The following IQSEC3 variants were observed in gnomAD, a reference collection of about 807,000 sequenced individuals.
IQSEC3 encodes the protein IQ motif and SEC7 domain-containing protein 3.
Under a neutral mutation model 105.4 loss-of-function variants are expected in IQSEC3, and 50 were observed. The observed-to-expected ratio is 0.47, with a 90% CI of 0.38 to 0.60. The LOEUF is 0.60. Ranked by LOEUF, IQSEC3 falls within the 20% of genes least tolerant of loss-of-function variation. The pLI is 0.00. For synonymous variants in IQSEC3, 708 were observed against 746.0 expected, an observed-to-expected ratio of 0.95 and a Z score of 0.83; for missense variants, 1,415 against 1,630.0, an observed-to-expected ratio of 0.87 and a Z score of 2.27.
At chr12:141,566 G>A (rs911248512) in intron 5 of IQSEC3, 6 of 395,900 alleles carry the variant, frequency 1.5e-5, no homozygotes, top group African/African-American at 1.0e-4. Flanking sequence ...CTTTCTGCCT[G>A]TCACTCTCCA....
chr12:95,238 T>C (rs1864209125), intron 1 of IQSEC3, among the ~76,000 whole-genome samples: 2 of 152,238 alleles, frequency 1.3e-5, no homozygotes, highest in Admixed American at 1.3e-4. Context: ...CTCAGTTTTC[T>C]CATTTGTAAA....
At chr12:96,015 T>A (rs932694565) in intron 1 of IQSEC3, among the ~76,000 whole-genome samples, 5 of 152,206 alleles carry the variant, frequency 3.3e-5, no homozygotes, top group African/African-American at 4.8e-5. Context: ...GACCATGGCC[T>A]GAGGCACAGT....
In IQSEC3 at chr12:138,407, A is replaced by G; in HGVS notation, c.1044A>G (p.Pro348=). The change falls in exon 4 of 14, where the codon CCA becomes CCG. Residue 348 remains proline, a synonymous_variant. Transcript: ENST00000538872. This position sits in a 1 kb window ranked among gnomAD's most constrained non-coding sequence, Gnocchi z 7.1. Reference sequence around the variant, plus strand: ...ACTCGCTTCTGGAGAGCCGCCTGCCACGGCGGATCTCCCTGCGCAAGGTGC... The same window carrying G: ...ACTCGCTTCTGGAGAGCCGCCTGCCGCGGCGGATCTCCCTGCGCAAGGTGC... The part of the protein sequence containing the change: ...IRNSLLESRL[P]RRISLRKVRS... 2 of 1,609,848 alleles carry G rather than the reference A, an allele frequency of 1.2e-6. No homozygotes were observed. Among genetic ancestry groups the G allele is most frequent in the South Asian group, 1.1e-5 (1 of 91,048 alleles).
intron 2 of IQSEC3, among the ~76,000 whole-genome samples, chr12:110,863 C>G (rs1468652590): frequency 6.6e-6 from 1 of 152,198 alleles, no homozygotes; most frequent in Non-Finnish European, 1.5e-5. Flanking sequence ...AGAGACTTCT[C>G]TAAGAGGGTA....
At chr12:154,326 G>A (rs773145708) in intron 5 of IQSEC3, among the ~76,000 whole-genome samples, 54 of 152,150 alleles carry the variant, frequency 3.5e-4, no homozygotes, top group African/African-American at 1.1e-3. Context: ...CTGCCTCTGC[G>A]GCAGCCTGCC....
Position 138,572 on chromosome 12 carries a change from C to T in IQSEC3, c.1209C>T (p.Thr403=), listed in dbSNP as rs782619341. The stretch of plus-strand genomic sequence containing the variant: ...TCACCGAGCTGGAGGACTCCTTCAC[C>T]GAGCAGGTGCAATCCCTGGCCAAGT... ...GTLTELEDSF[T]EQVQSLAKSI... The change falls in exon 4 of 14, where the codon ACC becomes ACT. Residue 403 remains threonine, a synonymous_variant. Transcript: ENST00000538872. This position sits in a 1 kb window ranked among gnomAD's most constrained non-coding sequence, Gnocchi z 7.1. 3 of 1,586,742 alleles carry T rather than the reference C, an allele frequency of 1.9e-6. No individual in the cohort carries two copies. The highest frequency in any genetic ancestry group is 1.1e-5 in the South Asian group (1 of 88,940).
chr12:67,908 T>C (rs1555066436), intron 1 of IQSEC3, among the ~76,000 whole-genome samples: 1 of 152,144 alleles, frequency 6.6e-6, no homozygotes, highest in Non-Finnish European at 1.5e-5. Context: ...TGAAGAGCTT[T>C]AAAAAGGCTG....
intron 1 of IQSEC3, among the ~76,000 whole-genome samples, chr12:76,664 C>T (rs1236521349): frequency 1.3e-5 from 2 of 152,382 alleles, no homozygotes; most frequent in Middle Eastern, 3.4e-3. Context: ...CTGGAGCATG[C>T]GGGAGACCAG....
chr12:165,186 G>A, intron 9 of IQSEC3: 1 of 543,980 alleles, frequency 1.8e-6, no homozygotes, highest in South Asian at 2.1e-5. Flanking sequence ...CATCAGGTGG[G>A]TTTTACAGGC....
chr12:85,225 A>G (rs1863879487), intron 1 of IQSEC3, among the ~76,000 whole-genome samples: 1 of 149,316 alleles, frequency 6.7e-6, no homozygotes, highest in African/African-American at 2.6e-5. Flanking sequence ...AACGCTGTGG[A>G]GGCATGCTGC....
At chr12:130,832 A>AG (rs1436030114) in intron 3 of IQSEC3, among the ~76,000 whole-genome samples, 1 of 152,172 alleles carries the variant, frequency 6.6e-6, no homozygotes, top group African/African-American at 2.4e-5. Context: ...ACACCCCCAA[A>AG]GCACCAGCTT....
Position 129,357 on chromosome 12 carries a change from G to A in IQSEC3, c.903+3445G>A, listed in dbSNP as rs116067217. Among the ~76,000 whole-genome samples the A allele has an allele frequency of 2.2e-3, 328 of 152,296 alleles. 2 individuals are homozygous for A. The highest frequency in any genetic ancestry group is 7.6e-3 in the African/African-American group (315 of 41,552). On this transcript the variant is annotated intron_variant, in intron 3 of 13. Transcript: ENST00000538872. ...TGGGCACCTAGGAACTGCTCAGCAGGGAAGGAACATAGGAATGAAGGCACA... is the reference window on the plus strand; with the variant it reads ...TGGGCACCTAGGAACTGCTCAGCAGAGAAGGAACATAGGAATGAAGGCACA...
At chr12:103,643 T>G (rs180750115) in intron 2 of IQSEC3, among the ~76,000 whole-genome samples, 14 of 68,598 alleles carry the variant, frequency 2.0e-4, no homozygotes, top group East Asian at 1.8e-3. Flanking sequence ...GAGGCGGGGC[T>G]CAGGAGGGAG....
rs552572836 is a variant in IQSEC3, at chr12:78,840, G to A, written c.554+11404G>A. On this transcript the variant is annotated intron_variant, in intron 1 of 13. Transcript: ENST00000538872. ...GCCTGGCACGCAGTGAGGGCTCGAC[G>A]CGGGGTGGTTGCTGTCACTTTGGGA... Among the ~76,000 whole-genome samples the A allele has an allele frequency of 2.0e-5, 3 of 152,218 alleles. No homozygotes were observed. In the South Asian group the frequency reaches 6.2e-4, roughly 32 times the overall value.
At chr12:74,397 C>G (rs1863438405) in intron 1 of IQSEC3, among the ~76,000 whole-genome samples, 1 of 152,218 alleles carries the variant, frequency 6.6e-6, no homozygotes, top group Non-Finnish European at 1.5e-5. Context: ...TGGTGGCCTT[C>G]TAAAATTCTC....
At chr12:129,785 T>C (rs2136977796) in intron 3 of IQSEC3, among the ~76,000 whole-genome samples, 1 of 152,050 alleles carries the variant, frequency 6.6e-6, no homozygotes, top group Non-Finnish European at 1.5e-5. Flanking sequence ...CCGAGCCGGG[T>C]CCTGGACAGA....
chr12:169,057 C>G lies in IQSEC3; in HGVS notation c.3016C>G (p.Pro1006Ala). 1 of 1,614,076 alleles carries G rather than the reference C, an allele frequency of 6.2e-7. No homozygotes were observed. Among genetic ancestry groups the G allele is most frequent in the Non-Finnish European group, 8.5e-7 (1 of 1,180,012 alleles). Residue 1006 changes from proline (P) to alanine (A), a missense_variant, in exon 12 of 14, where the codon CCC becomes GCC. By Grantham distance (27) the Pro-to-Ala change is conservative. Coordinates refer to ENST00000538872, the MANE Select transcript of IQSEC3 (RefSeq NM_001170738.2). ...QQGTKTLSFK[P>A]CGAQGDPQSK... ...GGGAACAAAGACACTCTCCTTCAAG[C>G]CCTGCGGAGCCCAGGGGGACCCACA...
intron 2 of IQSEC3, among the ~76,000 whole-genome samples, chr12:119,413 C>T (rs558484554): frequency 2.6e-5 from 4 of 152,246 alleles, no homozygotes; most frequent in South Asian, 2.1e-4. Flanking sequence ...AAATCATGTG[C>T]GTTTTTCTAG....
chr12:102,078 G>C (rs1241222022), intron 2 of IQSEC3, among the ~76,000 whole-genome samples: 2 of 151,640 alleles, frequency 1.3e-5, no homozygotes, highest in Non-Finnish European at 2.9e-5. Context: ...GACAAGCCAG[G>C]CTCCTCCCCC....
Sources: allele counts gnomAD v4.1 joint callset (sites outside exome capture counted in the v4.1 genomes callset), GRCh38; gene constraint gnomAD v4.1.1; non-coding constraint Gnocchi (gnomAD v3.1); transcripts MANE v1.5; gene names NCBI Gene and HGNC (gene_info 2026-07-23, HGNC 2026-07-21).